STK31: variants seen among roughly 807,000 people sequenced by gnomAD.
STK31 encodes the protein serine/threonine-protein kinase 31.
Under a neutral mutation model 129.7 loss-of-function variants are expected in STK31, and 89 were observed. That is an observed-to-expected ratio of 0.69 (90% CI 0.58 to 0.82). STK31 has a LOEUF of 0.82. STK31 is among the 40% of genes least tolerant of loss of function. The pLI, the probability that STK31 is intolerant of heterozygous loss-of-function variation, is 0.00. For missense variants in STK31, 1,187 were observed against 1,176.4 expected (o/e 1.01, Z -0.13); for synonymous variants, 448 against 395.3 (o/e 1.13, Z -1.58).
Position 23,788,132 on chromosome 7 carries a change from A to G in STK31, c.2637+3A>G. Reference sequence around the variant, plus strand: ...ATTTTGACTTCACCAAATCTGTGGTAAGATATCATGGTTTTACAAATAGGT... The same window carrying G: ...ATTTTGACTTCACCAAATCTGTGGTGAGATATCATGGTTTTACAAATAGGT... On this transcript the variant is annotated splice_donor_region_variant and intron_variant, in intron 21 of 23. Coordinates refer to ENST00000355870, the MANE Select transcript of STK31 (RefSeq NM_031414.5). The G allele has an allele frequency of 1.2e-6, 2 of 1,607,898 alleles. No individual in the cohort carries two copies. The highest frequency in any genetic ancestry group is 1.7e-6 in the Non-Finnish European group (2 of 1,177,558).
intron 11 of STK31, among the ~76,000 whole-genome samples, chr7:23,765,940 C>T (rs1477824434): frequency 2.0e-5 from 3 of 152,178 alleles, no homozygotes; most frequent in African/African-American, 7.2e-5. Context: ...GAACCTACCA[C>T]AATTGTCTAG....
chr7:23,721,327 T>C (rs1206002657), intron 4 of STK31: 2 of 692,916 alleles, frequency 2.9e-6, no homozygotes, highest in South Asian at 1.8e-5. Context: ...CTAAAATATG[T>C]CAAGTAAGCT....
At chr7:23,755,491 C>T (rs1465425046) in intron 10 of STK31, among the ~76,000 whole-genome samples, 4 of 152,172 alleles carry the variant, frequency 2.6e-5, no homozygotes, top group South Asian at 2.1e-4. Context: ...TGTGCAGAAG[C>T]TCTTTAGTTT....
intron 23 of STK31, 109 bp downstream of exon 23, chr7:23,815,321 T>G: frequency 1.3e-6 from 1 of 761,892 alleles, no homozygotes; most frequent in Non-Finnish European, 2.0e-6. Flanking sequence ...AAATTAACAT[T>G]TGCAATAAAT....
rs1789380116 is a variant in STK31, at chr7:23,760,251, T to C, written c.1294-2550T>C. On this transcript the variant is annotated intron_variant, in intron 10 of 23. Coordinates refer to ENST00000355870, the MANE Select transcript of STK31 (RefSeq NM_031414.5). ...ACTTGTTGTGTTTGGACTTGTTCCA[T>C]CTTAAATATTTGTGGTTTCTGCCTC... Among the ~76,000 whole-genome samples, 3 of 152,242 alleles carry C rather than the reference T, an allele frequency of 2.0e-5. No individual in the cohort carries two copies. The South Asian group carries it at 6.3e-4, about 32-fold the overall frequency.
intron 11 of STK31, among the ~76,000 whole-genome samples, chr7:23,768,550 C>T (rs539897261): frequency 2.0e-5 from 3 of 152,082 alleles, no homozygotes; most frequent in Non-Finnish European, 4.4e-5. Flanking sequence ...AAAGGAGACT[C>T]AGAAGGGTGA....
chr7:23,714,183 A>G (rs1786156782), intron 3 of STK31, among the ~76,000 whole-genome samples: 1 of 152,194 alleles, frequency 6.6e-6, no homozygotes, highest in South Asian at 2.1e-4. Context: ...GGGTGATGTT[A>G]TAGAAAACTT....
chr7:23,730,973 C>G (rs1342723283), intron 6 of STK31, among the ~76,000 whole-genome samples: 1 of 147,598 alleles, frequency 6.8e-6, no homozygotes, highest in Non-Finnish European at 1.5e-5. Flanking sequence ...CAACCTCCGC[C>G]TCTTGGGTTC....
chr7:23,738,613 A>G (rs532327984), intron 8 of STK31, among the ~76,000 whole-genome samples: 4 of 151,554 alleles, frequency 2.6e-5, no homozygotes, highest in South Asian at 4.2e-4. Flanking sequence ...TATATCCCCA[A>G]TGGCATGATC....
Position 23,769,040 on chromosome 7 carries a change from G to C in STK31, c.1462G>C (p.Gly488Arg). Residue 488 changes from glycine (G) to arginine (R), a missense_variant, in exon 12 of 24, where the codon GGA becomes CGA. By Grantham distance (125) the Gly-to-Arg change is moderately radical. Around this residue, in one of 5 missense-constraint regions of STK31, gnomAD observed 975 missense variants for 934.9 expected, o/e 1.04. Transcript: ENST00000355870. ...AGCAGTGTATGGACAAGCCAAAGAA[G>C]GAGCAAATTCTGATGAAATACTTAA... ...LEAVYGQAKE[G>R]ANSDEILKKF... 1 of 1,612,714 alleles carries C rather than the reference G, an allele frequency of 6.2e-7. No individual in the cohort carries two copies. Among genetic ancestry groups the C allele is most frequent in the Non-Finnish European group, 8.5e-7 (1 of 1,179,212 alleles).
intron 23 of STK31, 77 bp downstream of exon 23, chr7:23,815,289 C>A: frequency 9.4e-7 from 1 of 1,058,888 alleles, no homozygotes. Flanking sequence ...TGAAAGTTGT[C>A]CTCCAGTTTT....
intron 3 of STK31, among the ~76,000 whole-genome samples, chr7:23,715,086 T>C (rs1342225249): frequency 6.6e-6 from 1 of 152,194 alleles, no homozygotes; most frequent in Non-Finnish European, 1.5e-5. Context: ...TAGTGGTTAT[T>C]TCAATAAGCA....
chr7:23,785,610 C>CT lies in STK31; in HGVS notation c.2274+8dup. The CT allele has an allele frequency of 1.2e-6, 2 of 1,608,164 alleles. No individual in the cohort carries two copies. The highest frequency in any genetic ancestry group is 1.7e-6 in the Non-Finnish European group (2 of 1,175,926). On this transcript the variant is annotated splice_region_variant and intron_variant, in intron 18 of 23. Transcript: ENST00000355870. The stretch of plus-strand genomic sequence containing the variant: ...GCAGATAATTCTGTTAAAGGTAAGT[C>CT]TAACTTCTTCTTACTTGTGGGAGAT...
intron 10 of STK31, among the ~76,000 whole-genome samples, chr7:23,757,944 A>G (rs561898581): frequency 3.3e-5 from 5 of 152,324 alleles, no homozygotes; most frequent in Admixed American, 6.5e-5. Context: ...TTTAACAAGC[A>G]TACTGCCTTC....
intron 23 of STK31, among the ~76,000 whole-genome samples, chr7:23,820,672 T>C (rs1263256169): frequency 6.6e-6 from 1 of 152,116 alleles, no homozygotes; most frequent in African/African-American, 2.4e-5. Flanking sequence ...TTCACCCCCT[T>C]CCACCTCACC....
intron 4 of STK31, among the ~76,000 whole-genome samples, chr7:23,723,406 T>G (rs1786847486): frequency 6.6e-6 from 1 of 152,154 alleles, no homozygotes; most frequent in African/African-American, 2.4e-5. Context: ...ATTCCTCAAT[T>G]TTTAAAATTT....
At chr7:23,782,373 G>C (rs1790982839) in intron 16 of STK31, among the ~76,000 whole-genome samples, 1 of 150,604 alleles carries the variant, frequency 6.6e-6, no homozygotes, top group African/African-American at 2.4e-5. Flanking sequence ...TTTGGAGGCT[G>C]AGGCAGGAGG....
chr7:23,756,034 A>G (rs1789059343), intron 10 of STK31, among the ~76,000 whole-genome samples: 1 of 152,244 alleles, frequency 6.6e-6, no homozygotes, highest in African/African-American at 2.4e-5. Flanking sequence ...TCTGTGAAGA[A>G]TGTCAATGGT....
At position 23,754,438 on chromosome 7, in the gene STK31, T is replaced by A. The variant is rs1292478716; in HGVS notation, c.1257T>A (p.Ser419Arg). ...TAGAGATAATATGGGCAGAATACAG[T>A]CTGGCTCAGGAGAATATTAAAACTT... Reference protein sequence around the residue: ...NGLEIIWAEYSLAQENIKTCE... With the variant: ...NGLEIIWAEYRLAQENIKTCE... The change falls in exon 10 of 24, where the codon AGT becomes AGA. Residue 419 changes from serine (S) to arginine (R), a missense_variant. Coordinates refer to ENST00000355870, the MANE Select transcript of STK31 (RefSeq NM_031414.5). 2 of 1,613,598 alleles carry A rather than the reference T, an allele frequency of 1.2e-6. No homozygotes were observed. Among genetic ancestry groups the A allele is most frequent in the Admixed American group, 3.3e-5 (2 of 59,846 alleles).
Sources: allele counts gnomAD v4.1 joint callset (sites outside exome capture counted in the v4.1 genomes callset), GRCh38; gene constraint gnomAD v4.1.1; regional missense constraint gnomAD v4.1.1; transcripts MANE v1.5; gene names NCBI Gene and HGNC (gene_info 2026-07-23, HGNC 2026-07-21).